TMEM161B: variants seen among roughly 807,000 people sequenced by gnomAD.
TMEM161B encodes transmembrane protein 161B.
A neutral mutation model predicts 61.8 loss-of-function variants in TMEM161B; 34 were observed. The observed-to-expected ratio is 0.55, with a 90% confidence interval of 0.42 to 0.73. TMEM161B has a LOEUF of 0.73. Among genes scored for constraint, TMEM161B ranks in the 30% least tolerant of loss-of-function variants. The pLI is 0.00. For synonymous variants in TMEM161B, 167 were observed against 192.8 expected (o/e 0.87, Z 1.11); for missense variants, 456 against 558.5 (o/e 0.82, Z 1.85).
chr5:88,236,613 A>C (rs1314658203), intron 2 of TMEM161B, among the ~76,000 whole-genome samples: 1 of 152,174 alleles, frequency 6.6e-6, no homozygotes, highest in Non-Finnish European at 1.5e-5. Context: ...ACAGAGAAAC[A>C]ACTTCTAAGG....
chr5:88,223,821 G>A (rs1026394244), intron 4 of TMEM161B, among the ~76,000 whole-genome samples: 8 of 151,940 alleles, frequency 5.3e-5, no homozygotes, highest in Non-Finnish European at 1.2e-4. Context: ...CCTGGGAGGT[G>A]GAGCTTGCAG....
At chr5:88,222,710 T>C (rs1445292516) in intron 4 of TMEM161B, among the ~76,000 whole-genome samples, 1 of 152,182 alleles carries the variant, frequency 6.6e-6, no homozygotes, top group Non-Finnish European at 1.5e-5. Flanking sequence ...GTTCTTATAA[T>C]AGATAATACA....
intron 1 of TMEM161B, among the ~76,000 whole-genome samples, chr5:88,260,468 A>G (rs1218422337): frequency 6.6e-6 from 1 of 152,152 alleles, no homozygotes; most frequent in East Asian, 1.9e-4. Flanking sequence ...TGTGTTTTAT[A>G]AGAGTCAGGG....
At chr5:88,241,083 C>A (rs1180656817) in intron 1 of TMEM161B, among the ~76,000 whole-genome samples, 167 bp from the exon 2 acceptor site, 1 of 151,302 alleles carries the variant, frequency 6.6e-6, no homozygotes, top group East Asian at 1.9e-4. Flanking sequence ...AACTGCAGAT[C>A]AAAAATATGC....
intron 9 of TMEM161B, chr5:88,200,554 A>G (rs1345609765): frequency 6.6e-6 from 1 of 152,132 alleles, no homozygotes; most frequent in Non-Finnish European, 1.5e-5. Context: ...AAGGTAGTGA[A>G]CTAGAAAATT....
intron 8 of TMEM161B, among the ~76,000 whole-genome samples, chr5:88,203,905 T>C (rs968735063): frequency 6.6e-6 from 1 of 150,486 alleles, no homozygotes; most frequent in Admixed American, 6.6e-5. Context: ...TCCAAGTTTG[T>C]ATCCTACAGA....
At chr5:88,209,132 G>A (rs1311092434) in intron 5 of TMEM161B, among the ~76,000 whole-genome samples, 1 of 152,124 alleles carries the variant, frequency 6.6e-6, no homozygotes, top group Non-Finnish European at 1.5e-5. Context: ...GGATTGTAAT[G>A]CTCAACCTGT....
At chr5:88,224,303 G>C (rs1229812795) in intron 4 of TMEM161B, among the ~76,000 whole-genome samples, 1 of 152,148 alleles carries the variant, frequency 6.6e-6, no homozygotes, top group Non-Finnish European at 1.5e-5. Context: ...TTCAAGGATA[G>C]GAGTAGGGAA....
At chr5:88,257,863 G>A (rs894541016) in intron 1 of TMEM161B, among the ~76,000 whole-genome samples, 3 of 151,994 alleles carry the variant, frequency 2.0e-5, no homozygotes, top group African/African-American at 4.8e-5. Flanking sequence ...GTAGTTTGTG[G>A]GAATTTCTCT....
intron 2 of TMEM161B, among the ~76,000 whole-genome samples, chr5:88,229,153 C>T (rs538507550): frequency 6.6e-5 from 10 of 152,344 alleles, no homozygotes; most frequent in Middle Eastern, 3.4e-3. Context: ...AAGAAATACT[C>T]ACGATCCAAA....
At chr5:88,210,404 G>C (rs1251801317) in intron 5 of TMEM161B, among the ~76,000 whole-genome samples, 1 of 152,118 alleles carries the variant, frequency 6.6e-6, no homozygotes, top group East Asian at 1.9e-4. Flanking sequence ...AGAGGTACAA[G>C]ATTAAGAAGT....
chr5:88,219,144 A>G (rs904329023), intron 5 of TMEM161B, among the ~76,000 whole-genome samples: 2 of 152,226 alleles, frequency 1.3e-5, no homozygotes, highest in Non-Finnish European at 2.9e-5. Flanking sequence ...GATACTTCTG[A>G]ATATATTAAG....
At chr5:88,227,137 C>T (rs1750194108) in intron 3 of TMEM161B, among the ~76,000 whole-genome samples, 1 of 152,062 alleles carries the variant, frequency 6.6e-6, no homozygotes, top group Non-Finnish European at 1.5e-5. Flanking sequence ...CCACAGTGAG[C>T]CAGAATTGTG....
At chr5:88,264,295 AAAG>A (rs576061742) in intron 1 of TMEM161B, among the ~76,000 whole-genome samples, 138 of 152,358 alleles carry the variant, frequency 9.1e-4, no homozygotes, top group African/African-American at 3.2e-3. Context: ...ACACTTCTCA[AAAG>A]AAGACATTTA....
At position 88,212,304 on chromosome 5, in the gene TMEM161B, G is replaced by A. The variant is rs189981814; in HGVS notation, c.447-5124C>T. Among the ~76,000 whole-genome samples the A allele has an allele frequency of 4.6e-5, 7 of 152,136 alleles. No homozygotes were observed. The East Asian group carries it at 7.8e-4, about 17-fold the overall frequency. On this transcript the variant is annotated intron_variant, in intron 5 of 11. Transcript: ENST00000296595. ...CCACATTCATGCTTTAGCAGAAAGC[G>A]CCACCAAAACATTTTGACAAATCAA...
At chr5:88,201,907 C>T in intron 9 of TMEM161B, 1 of 219,828 alleles carries the variant, frequency 4.5e-6, no homozygotes, top group South Asian at 6.3e-5. Flanking sequence ...ATATATATTC[C>T]AAGACAAACT....
chr5:88,230,376 G>C (rs1280311981), intron 2 of TMEM161B, among the ~76,000 whole-genome samples: 1 of 152,134 alleles, frequency 6.6e-6, no homozygotes, highest in Non-Finnish European at 1.5e-5. Flanking sequence ...GATGAAACAA[G>C]TTTGGCCATC....
At chr5:88,221,497 T>A (rs894913373) in intron 4 of TMEM161B, 5 of 285,998 alleles carry the variant, frequency 1.7e-5, no homozygotes, top group African/African-American at 1.1e-4. Context: ...AGACTCCATC[T>A]CAAGAAAAAT....
intron 3 of TMEM161B, among the ~76,000 whole-genome samples, chr5:88,226,149 C>A (rs1165841866): frequency 4.6e-5 from 7 of 151,970 alleles, no homozygotes; most frequent in Admixed American, 4.6e-4. Context: ...CATTTCACAC[C>A]CATTTCTCCT....
Sources: allele counts gnomAD v4.1 joint callset (sites outside exome capture counted in the v4.1 genomes callset), GRCh38; gene constraint gnomAD v4.1.1; transcripts MANE v1.5; gene names NCBI Gene and HGNC (gene_info 2026-07-23, HGNC 2026-07-21).